The following COX10 variants were observed in gnomAD, a reference collection of about 807,000 sequenced individuals.
COX10 encodes protoheme IX farnesyltransferase, mitochondrial.
Under a neutral mutation model 37.3 loss-of-function variants are expected in COX10, and 27 were observed. The observed-to-expected ratio is 0.72, with a 90% CI of 0.53 to 1.00. COX10 has a LOEUF of 1.00. COX10 is among the 50% of genes least tolerant of loss of function. COX10 has a pLI of 0.00. For synonymous variants in COX10, 222 were observed against 229.1 expected, an observed-to-expected ratio of 0.97 and a Z score of 0.28; for missense variants, 475 against 563.2, an observed-to-expected ratio of 0.84 and a Z score of 1.59.
intron 1 of COX10, among the ~76,000 whole-genome samples, chr17:14,071,066 T>G (rs1915011577): frequency 6.6e-6 from 1 of 152,248 alleles, no homozygotes; most frequent in Non-Finnish European, 1.5e-5. Context: ...GAATCACTTC[T>G]TTGTTACATT....
intron 4 of COX10, among the ~76,000 whole-genome samples, chr17:14,153,216 G>A (rs895243229): frequency 1.3e-5 from 2 of 152,138 alleles, no homozygotes; most frequent in African/African-American, 2.4e-5. Flanking sequence ...TAGCAGAATC[G>A]TGTTTTATGC....
At chr17:14,127,963 G>A (rs1309517346) in intron 4 of COX10, among the ~76,000 whole-genome samples, 1 of 144,608 alleles carries the variant, frequency 6.9e-6, no homozygotes, top group Non-Finnish European at 1.5e-5. Context: ...GTGTGTGTGT[G>A]TGGTTTTTAA....
At chr17:14,109,497 C>T (rs1028273101) in intron 4 of COX10, among the ~76,000 whole-genome samples, 1 of 152,132 alleles carries the variant, frequency 6.6e-6, no homozygotes. Flanking sequence ...CAATAATTTA[C>T]ATGCCACTGG....
intron 5 of COX10, among the ~76,000 whole-genome samples, chr17:14,161,872 C>T (rs927317417): frequency 6.6e-5 from 10 of 152,128 alleles, no homozygotes; most frequent in East Asian, 1.9e-4. Context: ...TCTCAGCCAC[C>T]ATAATTGCAT....
At chr17:14,095,670 G>A (rs1335301476) in intron 3 of COX10, among the ~76,000 whole-genome samples, 1 of 152,192 alleles carries the variant, frequency 6.6e-6, no homozygotes, top group Non-Finnish European at 1.5e-5. Flanking sequence ...TAACCGGGCT[G>A]AATTCAAGGT....
intron 4 of COX10, among the ~76,000 whole-genome samples, chr17:14,108,714 T>C (rs1418311394): frequency 1.3e-5 from 2 of 152,282 alleles, no homozygotes; most frequent in South Asian, 2.1e-4. Flanking sequence ...CTCTGAATTA[T>C]AGAGTAGGTA....
intron 5 of COX10, among the ~76,000 whole-genome samples, chr17:14,163,858 A>G (rs1905221892): frequency 6.6e-6 from 1 of 151,386 alleles, no homozygotes; most frequent in South Asian, 2.1e-4. Flanking sequence ...AGTTTTTTTC[A>G]CAATTTTAAA....
Position 14,207,050 on chromosome 17 carries a change from C to T in COX10, c.1169C>T (p.Ala390Val), listed in dbSNP as rs749603596. The T allele has an allele frequency of 6.7e-5, 108 of 1,613,976 alleles. No individual in the cohort carries two copies. Among genetic ancestry groups the T allele is most frequent in the Non-Finnish European group, 8.8e-5 (104 of 1,179,948 alleles). ...TFPIMALPIN[A>V]YISYLGFRFY... Reference sequence around the variant, plus strand: ...CCCATCATGGCCCTTCCCATCAATGCGTACATCTCCTACCTCGGCTTCCGC... The same window carrying T: ...CCCATCATGGCCCTTCCCATCAATGTGTACATCTCCTACCTCGGCTTCCGC... The change falls in exon 7 of 7, where the codon GCG becomes GTG. Residue 390 changes from alanine (A) to valine (V), a missense_variant. Transcript: ENST00000261643.
chr17:14,141,648 G>C (rs1268040351), intron 4 of COX10, among the ~76,000 whole-genome samples: 1 of 151,294 alleles, frequency 6.6e-6, no homozygotes, highest in African/African-American at 2.4e-5. Context: ...AATACATGTA[G>C]TAAGTCTCAG....
intron 6 of COX10, among the ~76,000 whole-genome samples, chr17:14,194,676 C>T (rs1416872192): frequency 3.3e-5 from 5 of 152,282 alleles, no homozygotes; most frequent in African/African-American, 9.6e-5. Flanking sequence ...CCGCCTGCCT[C>T]GGCCTCCCAA....
chr17:14,167,576 G>A (rs1469111504), intron 5 of COX10, among the ~76,000 whole-genome samples: 1 of 152,178 alleles, frequency 6.6e-6, no homozygotes, highest in Non-Finnish European at 1.5e-5. Flanking sequence ...CATTTATAAA[G>A]AAAAGAGGTT....
chr17:14,135,128 G>A (rs1916550371), intron 4 of COX10, among the ~76,000 whole-genome samples: 1 of 151,614 alleles, frequency 6.6e-6, no homozygotes, highest in African/African-American at 2.4e-5. Flanking sequence ...ATATAGAGCT[G>A]TTCATATTTG....
At chr17:14,165,003 C>T (rs948580185) in intron 5 of COX10, among the ~76,000 whole-genome samples, 2 of 152,316 alleles carry the variant, frequency 1.3e-5, no homozygotes. Context: ...TCCTCTTTCC[C>T]TTTCAACAAT....
intron 5 of COX10, among the ~76,000 whole-genome samples, chr17:14,165,691 T>C (rs1343651554): frequency 6.6e-6 from 1 of 152,186 alleles, no homozygotes; most frequent in Non-Finnish European, 1.5e-5. Flanking sequence ...TTAAGCTTAA[T>C]GAGGAAGGTG....
rs566196024 is a variant in COX10 at position 14,128,113 on chromosome 17, T to A, written c.624+25871T>A. Reference sequence around the variant, plus strand: ...TTACTCCTTTTAGTACCTCTAATACTAATAAGAAAATTTCACTGAACTGAA... The same window carrying A: ...TTACTCCTTTTAGTACCTCTAATACAAATAAGAAAATTTCACTGAACTGAA... On this transcript the variant is annotated intron_variant, in intron 4 of 6. Transcript: ENST00000261643. 1.3e-4 allele frequency among the ~76,000 whole-genome samples: 20 copies of A among 152,220 alleles called. No homozygotes were observed. The East Asian group carries it at 3.7e-3, about 28-fold the overall frequency.
chr17:14,123,230 T>C (rs1376557343), intron 4 of COX10, among the ~76,000 whole-genome samples: 1 of 152,182 alleles, frequency 6.6e-6, no homozygotes, highest in Non-Finnish European at 1.5e-5. Flanking sequence ...AATTCCAATT[T>C]CTTCTATCAT....
At chr17:14,116,671 A>ACG (rs1326503524) in intron 4 of COX10, among the ~76,000 whole-genome samples, 1 of 151,784 alleles carries the variant, frequency 6.6e-6, no homozygotes, top group Non-Finnish European at 1.5e-5. Flanking sequence ...ACACACACAC[A>ACG]CACACGTGTT....
intron 6 of COX10, among the ~76,000 whole-genome samples, chr17:14,195,828 C>A (rs2142265678): frequency 6.6e-6 from 1 of 152,272 alleles, no homozygotes; most frequent in African/African-American, 2.4e-5. Context: ...GCCCCTGGTC[C>A]AGGGACCACA....
chr17:14,180,660 T>A (rs900582422), intron 5 of COX10, among the ~76,000 whole-genome samples: 1 of 152,126 alleles, frequency 6.6e-6, no homozygotes, highest in African/African-American at 2.4e-5. Flanking sequence ...ATATGAAGAG[T>A]TAACTGTCAT....
Sources: gnomAD v4.1 joint callset for allele counts (sites outside exome capture counted in the v4.1 genomes callset) on GRCh38, gnomAD v4.1.1 for gene constraint, MANE v1.5 for transcripts, NCBI Gene and HGNC (gene_info 2026-07-23, HGNC 2026-07-21) for gene names.